KMT2A: variants seen among roughly 807,000 people sequenced by gnomAD.
KMT2A encodes histone-lysine N-methyltransferase 2A.
A neutral mutation model predicts 345.3 loss-of-function variants in KMT2A; 16 were observed. The ratio of observed to expected loss-of-function variants is 0.05; its 90% CI spans 0.03 to 0.07. KMT2A has a LOEUF of 0.07. Among genes scored for constraint, KMT2A ranks in the 10% least tolerant of loss-of-function variants. The pLI, the probability that KMT2A is intolerant of heterozygous loss-of-function variation, is 1.00. For synonymous variants in KMT2A, 1,599 were observed against 1,778.6 expected (o/e 0.90, Z 2.54); for missense variants, 3,272 against 4,841.6 (o/e 0.68, Z 9.62).
In KMT2A at chr11:118,455,503, G is replaced by A. The variant is rs116954303; in HGVS notation, c.433-13272G>A. On this transcript the variant is annotated intron_variant, in intron 1 of 35. Transcript: ENST00000534358. Reference sequence around the variant, plus strand: ...CCAATGGTAGCAGTCTGTATTCATTGCATTTGCTTTGACCATACCATACAA... The same window carrying A: ...CCAATGGTAGCAGTCTGTATTCATTACATTTGCTTTGACCATACCATACAA... Among the ~76,000 whole-genome samples the A allele has an allele frequency of 9.8e-3, 1,481 of 151,802 alleles. 14 individuals are homozygous for A. Among genetic ancestry groups the A allele is most frequent in the Non-Finnish European group, 0.013 (881 of 67,944 alleles).
chr11:118,478,224 G>T (rs782148609), intron 5 of KMT2A, 23 bp downstream of exon 5: 1 of 1,564,562 alleles, frequency 6.4e-7, no homozygotes, highest in Non-Finnish European at 8.8e-7. Context: ...TTCACTCTGA[G>T]ATGTTGACCT....
At chr11:118,474,361 C>T in intron 3 of KMT2A, 46 bp downstream of exon 3, 2 of 1,573,882 alleles carry the variant, frequency 1.3e-6, no homozygotes, top group East Asian at 2.2e-5. Context: ...TTTATTGAGC[C>T]CTTTCTATGG....
At chr11:118,518,395 GA>G (rs1405229023) in intron 31 of KMT2A, among the ~76,000 whole-genome samples, 1 of 152,182 alleles carries the variant, frequency 6.6e-6, no homozygotes, top group African/African-American at 2.4e-5. Context: ...ACGGTGAGTA[GA>G]ACAAAGCAGC....
chr11:118,503,187 G>A lies in KMT2A; in HGVS notation c.7295G>A (p.Gly2432Glu), dbSNP rs782600770. Reference sequence around the variant, plus strand: ...AGTTCCAGAGATAGGAGACAGAAAGGGAAAAAATCCTGTAAAGAAACTTTC... The same window carrying A: ...AGTTCCAGAGATAGGAGACAGAAAGAGAAAAAATCCTGTAAAGAAACTTTC... ...GSSSRDRRQK[G>E]KKSCKETFKE... Residue 2432 changes from glycine to glutamate, a missense_variant, in exon 27 of 36, where the codon GGG (glycine) becomes GAG (glutamate). Gly to Glu is a moderately conservative substitution (Grantham distance 98). Around this residue, in one of 27 missense-constraint regions of KMT2A, gnomAD observed 445 missense variants for 500.9 expected, o/e 0.89. Transcript: ENST00000534358. The surrounding 1 kb of genome is among the most constrained non-coding windows in gnomAD (Gnocchi z 5.3). 1 of 1,613,942 alleles carries A rather than the reference G, an allele frequency of 6.2e-7. No homozygotes were observed. The highest frequency in any genetic ancestry group is 1.1e-5 in the South Asian group (1 of 91,048).
intron 1 of KMT2A, among the ~76,000 whole-genome samples, chr11:118,462,792 G>T (rs886978846): frequency 1.3e-5 from 2 of 152,142 alleles, no homozygotes; most frequent in African/African-American, 2.4e-5. Context: ...TCGATCTCCT[G>T]ACTTTGTGAT....
At chr11:118,438,441 G>T (rs571884060) in intron 1 of KMT2A, among the ~76,000 whole-genome samples, 13 of 144,826 alleles carry the variant, frequency 9.0e-5, no homozygotes, top group Non-Finnish European at 1.7e-4. Context: ...AATTGTAGAG[G>T]GGGGAGGATG....
intron 28 of KMT2A, among the ~76,000 whole-genome samples, chr11:118,508,628 C>T (rs181350301): frequency 9.3e-5 from 14 of 149,846 alleles, no homozygotes; most frequent in Admixed American, 2.0e-4. Context: ...CAAGCTAAGG[C>T]GGGAGGATTG....
Position 118,473,858 on chromosome 11 carries a change from A to G in KMT2A, c.2699A>G (p.Gln900Arg), listed in dbSNP as rs1290276055. 3 of 1,614,228 alleles carry G rather than the reference A, an allele frequency of 1.9e-6. No individual in the cohort carries two copies. The Admixed American group carries it at 5.0e-5, about 27-fold the overall frequency. Reference protein sequence around the residue: ...KEKRKKGSEIQSSSALYPVGR... With the variant: ...KEKRKKGSEIRSSSALYPVGR... Reference sequence around the variant, plus strand: ...AAAAGGAAAAAGGGATCAGAAATTCAGAGTAGTTCTGCTTTGTATCCTGTG... The same window carrying G: ...AAAAGGAAAAAGGGATCAGAAATTCGGAGTAGTTCTGCTTTGTATCCTGTG... Residue 900 changes from glutamine to arginine, a missense_variant, in exon 3 of 36, where the codon CAG becomes CGG. This residue lies in a region of KMT2A where 209 missense variants were observed against 237.4 expected (regional missense o/e 0.88). Transcript: ENST00000534358. This position sits in a 1 kb window ranked among gnomAD's most constrained non-coding sequence, Gnocchi z 5.2.
rs2134403207 is a variant in KMT2A at position 118,505,020 on chromosome 11, C to T, written c.9128C>T (p.Pro3043Leu). The T allele has an allele frequency of 6.2e-6, 10 of 1,614,110 alleles. No homozygotes were observed. The highest frequency in any genetic ancestry group is 7.6e-6 in the Non-Finnish European group (9 of 1,180,012). ...CAGGTACCTGTTTCCCCAACTGTTC[C>T]CATCCAGAACCAGAAGTATGTGCCC... ...GLQVPVSPTV[P>L]IQNQKYVPNS... Residue 3043 changes from proline (P) to leucine (L), a missense_variant, in exon 27 of 36, where the codon CCC becomes CTC. This residue lies in a region of KMT2A where 748 missense variants were observed against 922.2 expected (regional missense o/e 0.81). Coordinates refer to ENST00000534358, the MANE Select transcript of KMT2A (RefSeq NM_001197104.2). The surrounding 1 kb of genome is among the most constrained non-coding windows in gnomAD (Gnocchi z 4.6).
At chr11:118,501,465 T>A (rs1950499052) in intron 25 of KMT2A, among the ~76,000 whole-genome samples, 1 of 150,546 alleles carries the variant, frequency 6.6e-6, no homozygotes, top group South Asian at 2.1e-4. Context: ...TGAGACTGTG[T>A]CTCAAAGAAA....
At chr11:118,467,669 T>C (rs1949870891) in intron 1 of KMT2A, among the ~76,000 whole-genome samples, 1 of 152,226 alleles carries the variant, frequency 6.6e-6, no homozygotes, top group Non-Finnish European at 1.5e-5. Flanking sequence ...AGCACCTGAC[T>C]CTAGTTTTAA....
chr11:118,455,219 G>A (rs1412276013), intron 1 of KMT2A, among the ~76,000 whole-genome samples: 2 of 151,990 alleles, frequency 1.3e-5, no homozygotes, highest in African/African-American at 2.4e-5. Context: ...TTTGTTATAT[G>A]TTTATTTTCT....
chr11:118,457,834 T>C (rs1949675908), intron 1 of KMT2A, among the ~76,000 whole-genome samples: 1 of 152,030 alleles, frequency 6.6e-6, no homozygotes, highest in Non-Finnish European at 1.5e-5. Context: ...TCTGCTGTGC[T>C]CCTCCAGCAG....
Position 118,484,940 on chromosome 11 carries a change from G to T in KMT2A, c.4297G>T (p.Val1433Phe). ...LTSVPITPRV[V>F]CFLCASSGHV... is the part of the protein sequence containing the mutation. ...TTCTGTTCCTATAACACCCAGGGTG[G>T]TTTGCTTTCTCTGTGCCAGTAGTGG... The change falls in exon 10 of 36, where the codon GTT becomes TTT. Residue 1433 changes from valine (V) to phenylalanine (F), a missense_variant. By Grantham distance (50) the Val-to-Phe change is conservative. Transcript: ENST00000534358. The surrounding 1 kb of genome is among the most constrained non-coding windows in gnomAD (Gnocchi z 4.1). 1 of 1,613,572 alleles carries T rather than the reference G, an allele frequency of 6.2e-7. No homozygotes were observed. Among genetic ancestry groups the T allele is most frequent in the Non-Finnish European group, 8.5e-7 (1 of 1,179,676 alleles).
Position 118,506,025 on chromosome 11 carries a change from T to C in KMT2A, c.10133T>C (p.Ile3378Thr), listed in dbSNP as rs782761669. The part of the protein sequence containing the change: ...TNPRLLGTPD[I>T]GSISNLLIKA... ...CCAAGGTTGCTTGGTACCCCAGATA[T>C]TGGCTCAATAAGCAATCTTTTAATC... Residue 3378 changes from isoleucine (I) to threonine (T), a missense_variant, in exon 27 of 36, where the codon ATT becomes ACT. Ile to Thr is a moderately conservative substitution (Grantham distance 89). Transcript: ENST00000534358. The C allele has an allele frequency of 1.0e-4, 162 of 1,614,082 alleles. No individual in the cohort carries two copies. Among genetic ancestry groups the C allele is most frequent in the Non-Finnish European group, 1.3e-4 (150 of 1,180,040 alleles).
chr11:118,462,232 G>A (rs571480243), intron 1 of KMT2A, among the ~76,000 whole-genome samples: 2 of 152,166 alleles, frequency 1.3e-5, no homozygotes, highest in African/African-American at 4.8e-5. Context: ...GGGATTACAG[G>A]TGTGAACCAC....
intron 4 of KMT2A, among the ~76,000 whole-genome samples, chr11:118,477,532 G>C (rs1219212164): frequency 1.1e-5 from 1 of 93,796 alleles, no homozygotes; most frequent in Non-Finnish European, 1.9e-5. Context: ...TTTTGAGACG[G>C]AGCCTCATTG....
At chr11:118,482,194 G>A in intron 7 of KMT2A, 102 bp downstream of exon 7, 1 of 1,328,296 alleles carries the variant, frequency 7.5e-7, no homozygotes, top group Non-Finnish European at 1.0e-6. Flanking sequence ...ATGATTTGAA[G>A]TCTTCAGTTC....
intron 1 of KMT2A, among the ~76,000 whole-genome samples, chr11:118,443,163 G>A (rs535198027): frequency 5.7e-4 from 87 of 152,246 alleles, no homozygotes; most frequent in Admixed American, 2.2e-3. Context: ...GATGCTACTG[G>A]CCCTGTGGCT....
Sources: gnomAD v4.1 joint callset for allele counts (sites outside exome capture counted in the v4.1 genomes callset) on GRCh38, gnomAD v4.1.1 for gene constraint, gnomAD v4.1.1 regional missense constraint, Gnocchi (gnomAD v3.1) non-coding constraint, MANE v1.5 for transcripts, NCBI Gene and HGNC (gene_info 2026-07-23, HGNC 2026-07-21) for gene names.